The following SLC24A2 variants were observed in gnomAD, a reference collection of about 807,000 sequenced individuals.
SLC24A2 encodes the protein solute carrier family 24 member 2, also known as sodium/potassium/calcium exchanger 2.
SLC24A2 carries 36 observed loss-of-function variants against 62.0 expected under a neutral mutation model. The observed-to-expected ratio is 0.58, with a 90% confidence interval of 0.44 to 0.77. SLC24A2 has a LOEUF of 0.77. SLC24A2 is among the 30% of genes least tolerant of loss of function. The pLI is 0.00. For synonymous variants in SLC24A2, 358 were observed against 294.0 expected (o/e 1.22, Z -2.23); for missense variants, 846 against 817.9 (o/e 1.03, Z -0.42).
chr9:19,656,398 A>T (rs16937690), intron 2 of SLC24A2, among the ~76,000 whole-genome samples: 42 of 152,180 alleles, frequency 2.8e-4, no homozygotes, highest in African/African-American at 9.9e-4. Context: ...TTGGCCTTCA[A>T]AACTCTAGTA....
intron 2 of SLC24A2, among the ~76,000 whole-genome samples, chr9:19,777,556 A>AT (rs1822880934): frequency 6.6e-6 from 1 of 152,202 alleles, no homozygotes; most frequent in Admixed American, 6.5e-5. Flanking sequence ...AGTAAATAGC[A>AT]TTTTAGAAAA....
At chr9:19,951,226 TTGTGTGTGTGTGTGTGTG>T in the SLC24A2 span, among the ~76,000 whole-genome samples, 2 of 145,972 alleles carry the variant, frequency 1.4e-5, no homozygotes, top group Non-Finnish European at 3.0e-5. Context: ...TTTTCTTAAG[TTGTGTGTGTGTGTGTGTG>T]TGTGTGTGTG....
chr9:19,708,289 A>G (rs1451745027), intron 2 of SLC24A2, among the ~76,000 whole-genome samples: 2 of 152,182 alleles, frequency 1.3e-5, no homozygotes, highest in African/African-American at 4.8e-5. Flanking sequence ...TTCCATGCTC[A>G]TGGGTAGGAA....
chr9:20,207,541 G>A, the SLC24A2 span, among the ~76,000 whole-genome samples: 3 of 152,098 alleles, frequency 2.0e-5, no homozygotes, highest in East Asian at 5.8e-4. Flanking sequence ...CTTTTTCATT[G>A]CACTGCAACA....
chr9:19,631,844 G>A (rs1055292930), intron 2 of SLC24A2, among the ~76,000 whole-genome samples: 1 of 152,148 alleles, frequency 6.6e-6, no homozygotes, highest in African/African-American at 2.4e-5. Context: ...ACTGCTGTAC[G>A]GGTCCTTTAA....
the SLC24A2 span, among the ~76,000 whole-genome samples, chr9:19,842,541 C>T: frequency 3.3e-5 from 5 of 152,320 alleles, no homozygotes; most frequent in East Asian, 9.7e-4. Context: ...AATGGCTACT[C>T]TCACAATTCC....
At chr9:19,640,286 G>A (rs986220910) in intron 2 of SLC24A2, among the ~76,000 whole-genome samples, 4 of 152,164 alleles carry the variant, frequency 2.6e-5, no homozygotes, top group Admixed American at 2.6e-4. Context: ...ACTGCATAAA[G>A]AAGAGCAGAT....
intron 4 of SLC24A2, among the ~76,000 whole-genome samples, chr9:19,613,275 T>G (rs1817672418): frequency 6.6e-6 from 1 of 152,212 alleles, no homozygotes; most frequent in African/African-American, 2.4e-5. Context: ...TTCCTTTCTC[T>G]GAAGTCTTTG....
chr9:20,179,204 G>A, the SLC24A2 span, among the ~76,000 whole-genome samples: 1 of 152,114 alleles, frequency 6.6e-6, no homozygotes, highest in African/African-American at 2.4e-5. Context: ...GGCCCAAGGG[G>A]ACTGTGCCTT....
chr9:20,161,011 T>A, the SLC24A2 span, among the ~76,000 whole-genome samples: 3 of 151,186 alleles, frequency 2.0e-5, no homozygotes, highest in African/African-American at 7.3e-5. Flanking sequence ...ATTTAAAAAA[T>A]GAGAAAACAT....
chr9:20,185,559 G>A, the SLC24A2 span, among the ~76,000 whole-genome samples: 1 of 151,450 alleles, frequency 6.6e-6, no homozygotes, highest in Admixed American at 6.6e-5. Context: ...CAGCTATTCG[G>A]GAGGCTGAGG....
chr9:19,610,813 G>C (rs1217855877), intron 4 of SLC24A2, among the ~76,000 whole-genome samples: 3 of 152,234 alleles, frequency 2.0e-5, no homozygotes, highest in African/African-American at 4.8e-5. Context: ...TACATGGCTA[G>C]AGACATATAG....
chr9:19,680,831 A>G lies in SLC24A2; in HGVS notation c.931-58532T>C, dbSNP rs1045368171. Among the ~76,000 whole-genome samples, 4 of 148,256 alleles carry G rather than the reference A, an allele frequency of 2.7e-5. No homozygotes were observed. The East Asian group carries it at 8.4e-4, about 31-fold the overall frequency. On this transcript the variant is annotated intron_variant, in intron 2 of 10. Coordinates refer to ENST00000341998, the MANE Select transcript of SLC24A2 (RefSeq NM_020344.4). ...GATCAGACATTTATGCTGACTTTAAACTCAAAATATATACCAGAGTTGTGT... is the reference window on the plus strand; with the variant it reads ...GATCAGACATTTATGCTGACTTTAAGCTCAAAATATATACCAGAGTTGTGT...
the SLC24A2 span, among the ~76,000 whole-genome samples, chr9:20,164,992 G>C: frequency 8.9e-6 from 1 of 112,368 alleles, no homozygotes; most frequent in East Asian, 3.0e-4. Flanking sequence ...TGTGGGGTGG[G>C]GGGAGGGGGG....
At chr9:19,801,072 G>C in the SLC24A2 span, among the ~76,000 whole-genome samples, 1 of 152,214 alleles carries the variant, frequency 6.6e-6, no homozygotes, top group South Asian at 2.1e-4. Flanking sequence ...GAGCTCCCAA[G>C]ATGGTGGCCG....
chr9:19,867,831 C>T, the SLC24A2 span, among the ~76,000 whole-genome samples: 5 of 152,114 alleles, frequency 3.3e-5, no homozygotes, highest in African/African-American at 1.2e-4. Context: ...TCGGTCGAAC[C>T]CGGGAGGCGG....
At chr9:19,957,425 T>C in the SLC24A2 span, 3 of 152,250 alleles carry the variant, frequency 2.0e-5, no homozygotes, top group Non-Finnish European at 4.4e-5. Context: ...GTGGCAATCG[T>C]TTCTGTCCTT....
chr9:19,793,576 C>A (rs545669925), upstream of SLC24A2, among the ~76,000 whole-genome samples: 3 of 152,332 alleles, frequency 2.0e-5, no homozygotes, highest in South Asian at 6.2e-4. Context: ...ACACACCTAC[C>A]ATGAACTAGA....
intron 2 of SLC24A2, among the ~76,000 whole-genome samples, chr9:19,769,839 C>A (rs1232856449): frequency 6.6e-6 from 1 of 151,992 alleles, no homozygotes; most frequent in African/African-American, 2.4e-5. Context: ...ACGTCCTACA[C>A]CTACAGGTCT....
Sources: allele counts gnomAD v4.1 joint callset (sites outside exome capture counted in the v4.1 genomes callset), GRCh38; gene constraint gnomAD v4.1.1; transcripts MANE v1.5; gene names NCBI Gene and HGNC (gene_info 2026-07-23, HGNC 2026-07-21).